Variants in KCND2 observed in about 807,000 individuals in gnomAD.
KCND2 encodes the protein A-type voltage-gated potassium channel KCND2.
Under a neutral mutation model 54.4 loss-of-function variants are expected in KCND2, and 16 were observed. That is an observed-to-expected ratio of 0.29 (90% CI 0.20 to 0.45). The LOEUF is 0.45. Ranked by LOEUF, KCND2 falls within the 20% of genes least tolerant of loss-of-function variation. KCND2 has a pLI of 1.00. For missense variants in KCND2, 486 were observed against 824.2 expected, an observed-to-expected ratio of 0.59 and a Z score of 5.02; for synonymous variants, 317 against 310.7, an observed-to-expected ratio of 1.02 and a Z score of -0.21.
intron 1 of KCND2, among the ~76,000 whole-genome samples, chr7:120,321,891 CG>C (rs1450646531): frequency 6.6e-6 from 1 of 151,938 alleles, no homozygotes; most frequent in African/African-American, 2.4e-5. Context: ...GTATAACATT[CG>C]GAAGATGCTA....
intron 1 of KCND2, among the ~76,000 whole-genome samples, chr7:120,605,787 G>T (rs1792874744): frequency 6.6e-6 from 1 of 152,104 alleles, no homozygotes; most frequent in Non-Finnish European, 1.5e-5. Context: ...ATCTATCACT[G>T]TGGTTTTGAT....
intron 1 of KCND2, among the ~76,000 whole-genome samples, chr7:120,466,501 C>T (rs780094922): frequency 6.6e-6 from 1 of 152,046 alleles, no homozygotes. Flanking sequence ...CCAGGTATGT[C>T]CTGGATCCCA....
chr7:120,286,775 T>C (rs1231916604), intron 1 of KCND2, among the ~76,000 whole-genome samples: 1 of 152,114 alleles, frequency 6.6e-6, no homozygotes, highest in African/African-American at 2.4e-5. Context: ...TCTATCAGAC[T>C]TGTTTTGAAA....
intron 1 of KCND2, among the ~76,000 whole-genome samples, chr7:120,379,204 G>A (rs1401897493): frequency 6.6e-6 from 1 of 151,960 alleles, no homozygotes; most frequent in Non-Finnish European, 1.5e-5. Flanking sequence ...TTATAGTTAA[G>A]GTGAGTTTGA....
intron 1 of KCND2, among the ~76,000 whole-genome samples, chr7:120,686,011 C>G (rs1792196565): frequency 6.6e-6 from 1 of 152,142 alleles, no homozygotes; most frequent in South Asian, 2.1e-4. Flanking sequence ...CATGCCTACA[C>G]TAAACAGAAT....
At chr7:120,425,704 T>C (rs1012270028) in intron 1 of KCND2, among the ~76,000 whole-genome samples, 1 of 152,270 alleles carries the variant, frequency 6.6e-6, no homozygotes, top group Non-Finnish European at 1.5e-5. Flanking sequence ...TGTTCTCTGG[T>C]TGTAGACTGC....
chr7:120,276,018 T>C (rs1376532597), intron 1 of KCND2, among the ~76,000 whole-genome samples: 1 of 152,080 alleles, frequency 6.6e-6, no homozygotes, highest in Non-Finnish European at 1.5e-5. Flanking sequence ...ATGAAAGTAG[T>C]AGCAATATTT....
intron 1 of KCND2, among the ~76,000 whole-genome samples, chr7:120,448,213 T>C (rs565528932): frequency 6.8e-6 from 1 of 147,022 alleles, no homozygotes; most frequent in East Asian, 2.1e-4. Context: ...CAGTGTGTGA[T>C]GTTCCCCACC....
chr7:120,293,718 T>C (rs1799470433), intron 1 of KCND2, among the ~76,000 whole-genome samples: 1 of 151,934 alleles, frequency 6.6e-6, no homozygotes, highest in South Asian at 2.1e-4. Context: ...GCTTAACATA[T>C]ATTGTCTTTG....
rs533084445 is a variant in KCND2 at position 120,435,270 on chromosome 7, C to CT, written c.1115+159540dup. On this transcript the variant is annotated intron_variant, in intron 1 of 5. Coordinates refer to ENST00000331113, the MANE Select transcript of KCND2 (RefSeq NM_012281.3). ...TGTAGGCGTGCACCACCATGCCTGG[C>CT]TTTTTTTTTTTTTTTTTAATTTTTA... Among the ~76,000 whole-genome samples, 276 of 132,858 alleles carry CT rather than the reference C, an allele frequency of 2.1e-3. 1 individual carries two copies. The highest frequency in any genetic ancestry group is 3.8e-3 in the Middle Eastern group (1 of 260). The allele number at this position is 132,858 out of a possible 152,430, so 87.2% of individuals were successfully genotyped here.
intron 1 of KCND2, among the ~76,000 whole-genome samples, chr7:120,515,461 G>A (rs575430584): frequency 6.6e-6 from 1 of 152,094 alleles, no homozygotes; most frequent in Admixed American, 6.6e-5. Flanking sequence ...GAACCCTAAG[G>A]TTATGAAGAA....
chr7:120,720,454 G>T (rs969167698), intron 1 of KCND2, among the ~76,000 whole-genome samples: 1 of 152,082 alleles, frequency 6.6e-6, no homozygotes, highest in East Asian at 1.9e-4. Flanking sequence ...GTTCCTGTTT[G>T]GTTATGCCTC....
intron 1 of KCND2, among the ~76,000 whole-genome samples, chr7:120,364,325 G>A (rs1231737664): frequency 6.6e-6 from 1 of 152,150 alleles, no homozygotes; most frequent in South Asian, 2.1e-4. Flanking sequence ...GGCTGGTTTA[G>A]TAAATGGAAG....
At chr7:120,678,014 C>A (rs1792088274) in intron 1 of KCND2, among the ~76,000 whole-genome samples, 2 of 151,662 alleles carry the variant, frequency 1.3e-5, no homozygotes, top group Admixed American at 6.6e-5. Flanking sequence ...AATTTGTGGG[C>A]CAATTTTGTG....
In KCND2 at chr7:120,506,456, C is replaced by G. The variant is rs115650716; in HGVS notation, c.1116-226447C>G. On this transcript the variant is annotated intron_variant, in intron 1 of 5. Coordinates refer to ENST00000331113, the MANE Select transcript of KCND2 (RefSeq NM_012281.3). The stretch of plus-strand genomic sequence containing the variant: ...TTTCATGGTTTTGTGCATTTTTACT[C>G]TATCTCTTGCCAAAAAGAATTTGAA... Among the ~76,000 whole-genome samples, 765 of 151,908 alleles carry G rather than the reference C, an allele frequency of 5.0e-3. 4 individuals are homozygous for G. The highest frequency in any genetic ancestry group is 0.017 in the African/African-American group (705 of 41,502).
At chr7:120,388,016 A>C (rs527564671) in intron 1 of KCND2, among the ~76,000 whole-genome samples, 2 of 152,130 alleles carry the variant, frequency 1.3e-5, no homozygotes, top group Non-Finnish European at 2.9e-5. Flanking sequence ...GATTTTTGTA[A>C]ATGTGTTTAT....
At chr7:120,334,517 C>A (rs574489200) in intron 1 of KCND2, among the ~76,000 whole-genome samples, 2 of 152,162 alleles carry the variant, frequency 1.3e-5, no homozygotes, top group Admixed American at 6.5e-5. Flanking sequence ...TTGAAAGATA[C>A]CTATTTCAGT....
intron 1 of KCND2, among the ~76,000 whole-genome samples, chr7:120,503,585 C>T (rs1268097295): frequency 6.6e-6 from 1 of 151,826 alleles, no homozygotes; most frequent in African/African-American, 2.4e-5. Flanking sequence ...TTTCCTTGAC[C>T]CTTCTGCATT....
At chr7:120,381,162 G>A (rs935846392) in intron 1 of KCND2, among the ~76,000 whole-genome samples, 2 of 151,982 alleles carry the variant, frequency 1.3e-5, no homozygotes, top group African/African-American at 4.8e-5. Context: ...GGCTGAGGCA[G>A]GAGAATCGCT....
Sources: allele counts gnomAD v4.1 joint callset (sites outside exome capture counted in the v4.1 genomes callset), GRCh38; gene constraint gnomAD v4.1.1; transcripts MANE v1.5; gene names NCBI Gene and HGNC (gene_info 2026-07-23, HGNC 2026-07-21).